Variants in IGSF21 observed in about 807,000 individuals in gnomAD.
IGSF21 encodes immunoglobulin superfamily member 21.
A neutral mutation model predicts 46.8 loss-of-function variants in IGSF21; 28 were observed. The ratio of observed to expected loss-of-function variants is 0.60; its 90% CI spans 0.44 to 0.82. The LOEUF (loss-of-function observed/expected upper bound fraction) is 0.82, where lower values mean the gene tolerates loss of function less well. Ranked by LOEUF, IGSF21 falls within the 40% of genes least tolerant of loss-of-function variation. IGSF21 has a pLI of 0.00. For missense variants in IGSF21, 624 were observed against 665.5 expected, an observed-to-expected ratio of 0.94 and a Z score of 0.69; for synonymous variants, 284 against 273.6, an observed-to-expected ratio of 1.04 and a Z score of -0.38.
intron 4 of IGSF21, among the ~76,000 whole-genome samples, chr1:18,353,777 A>T (rs1167198186): frequency 3.3e-5 from 5 of 152,214 alleles, no homozygotes; most frequent in African/African-American, 9.6e-5. Context: ...TCAAAGAGAA[A>T]AATGTCTCAG....
intron 3 of IGSF21, among the ~76,000 whole-genome samples, chr1:18,317,603 C>T (rs1042998022): frequency 6.6e-6 from 1 of 152,196 alleles, no homozygotes; most frequent in Non-Finnish European, 1.5e-5. Context: ...CTCTGGTGCA[C>T]CCAATGGCTC....
intron 1 of IGSF21, among the ~76,000 whole-genome samples, chr1:18,179,552 C>T (rs71643495): frequency 0.057 from 8,701 of 152,046 alleles, 268 homozygotes; most frequent in African/African-American, 0.073. Flanking sequence ...TCATTTTTTT[C>T]CCTGATTTTA....
At position 18,376,880 on chromosome 1, in the gene IGSF21, G is replaced by T; in HGVS notation, c.1182G>T (p.Gly394=). Residue 394 remains glycine (G), a synonymous_variant, in exon 8 of 10, where the codon GGG becomes GGT. Coordinates refer to ENST00000251296, the MANE Select transcript of IGSF21 (RefSeq NM_032880.5). ...RLLDGSAEFD[G]KELVLERVPA... is the part of the protein sequence containing the mutation. ...TGGACGGCAGCGCTGAGTTCGACGG[G>T]AAGGAGCTGGTGCTGGAGCGGGTTC... 1 of 1,613,034 alleles carries T rather than the reference G, an allele frequency of 6.2e-7. No homozygotes were observed. Among genetic ancestry groups the T allele is most frequent in the Non-Finnish European group, 8.5e-7 (1 of 1,179,088 alleles).
At chr1:18,351,636 GCC>G (rs2085956534) in intron 4 of IGSF21, among the ~76,000 whole-genome samples, 1 of 152,178 alleles carries the variant, frequency 6.6e-6, no homozygotes, top group South Asian at 2.1e-4. Context: ...CTCCCTACCT[GCC>G]TCCCCAAGCT....
intron 1 of IGSF21, among the ~76,000 whole-genome samples, chr1:18,141,780 A>C (rs879332585): frequency 6.6e-6 from 1 of 152,188 alleles, no homozygotes; most frequent in Admixed American, 6.5e-5. Flanking sequence ...TTTAAAGCAC[A>C]GTTCATGGCT....
chr1:18,334,988 C>A lies in IGSF21; in HGVS notation c.402C>A (p.Gly134=), dbSNP rs35793095. Residue 134 remains glycine (G), a synonymous_variant, in exon 4 of 10, where the codon GGC becomes GGA. Transcript: ENST00000251296. The surrounding 1 kb of genome is among the most constrained non-coding windows in gnomAD (Gnocchi z 4.3). ...GGGAGAAGGTGGTCCTGGCATCAGG[C>A]AACATCTTCCTCAACGTCATGGGTG... ...ATREKVVLAS[G]NIFLNVMAPP... 5.6e-3 allele frequency: 9,044 copies of A among 1,613,776 alleles called. 34 individuals are homozygous for A. Among genetic ancestry groups the A allele is most frequent in the Non-Finnish European group, 6.8e-3 (8,055 of 1,179,628 alleles).
chr1:18,307,726 G>C, intron 3 of IGSF21, among the ~76,000 whole-genome samples: 1 of 152,236 alleles, frequency 6.6e-6, no homozygotes, highest in South Asian at 2.1e-4. Flanking sequence ...GGAGCTATCA[G>C]TGGTGACACT....
In IGSF21 at chr1:18,225,085, T is replaced by TCTCTCTCTCTCTCACA; in HGVS notation, c.71-2812_71-2811insTCTCTCTCTCTCACAC. 9.9e-4 allele frequency among the ~76,000 whole-genome samples: 51 copies of TCTCTCTCTCTCTCACA among 51,604 alleles called. 1 individual carries two copies. Among genetic ancestry groups the TCTCTCTCTCTCTCACA allele is most frequent in the East Asian group, 2.7e-3 (5 of 1,826 alleles). 33.9% of individuals were successfully genotyped at this position (51,604 alleles called of 152,430 possible). Reference sequence around the variant, plus strand: ...GTATCTCTCTCTCTCTCTCTCTCTCTCACACACACACACACACACACACAC... The same window carrying TCTCTCTCTCTCTCACA: ...GTATCTCTCTCTCTCTCTCTCTCTCTCTCTCTCTCTCTCACACACACACACACACACACACACACAC... On this transcript the variant is annotated intron_variant, in intron 1 of 9. Coordinates refer to ENST00000251296, the MANE Select transcript of IGSF21 (RefSeq NM_032880.5).
intron 3 of IGSF21, among the ~76,000 whole-genome samples, chr1:18,304,051 G>A (rs958365453): frequency 3.3e-5 from 5 of 152,160 alleles, no homozygotes; most frequent in African/African-American, 7.2e-5. Flanking sequence ...GGCGGAGGTG[G>A]AGAGAAGAAA....
At chr1:18,249,047 T>C (rs970456953) in intron 2 of IGSF21, among the ~76,000 whole-genome samples, 3 of 152,068 alleles carry the variant, frequency 2.0e-5, no homozygotes, top group Admixed American at 6.5e-5. Flanking sequence ...CCGCCCAAAT[T>C]AAACTGGATC....
intron 3 of IGSF21, among the ~76,000 whole-genome samples, chr1:18,314,476 A>C (rs943770446): frequency 2.6e-5 from 4 of 152,308 alleles, no homozygotes; most frequent in African/African-American, 9.6e-5. Flanking sequence ...GTGCTACTTT[A>C]ATTGAGTGGG....
At chr1:18,257,633 TG>T (rs2084904449) in intron 2 of IGSF21, among the ~76,000 whole-genome samples, 1 of 152,156 alleles carries the variant, frequency 6.6e-6, no homozygotes, top group Non-Finnish European at 1.5e-5. Context: ...GTACCCACTG[TG>T]TGGCAAAGGC....
At position 18,122,944 on chromosome 1, in the gene IGSF21, A is replaced by C. The variant is rs952297859; in HGVS notation, c.70+14746A>C. Reference sequence around the variant, plus strand: ...ACCCAGCCAGATTTTTTATTAATTCATATTAAGATAAATATGTGAGTATTT... The same window carrying C: ...ACCCAGCCAGATTTTTTATTAATTCCTATTAAGATAAATATGTGAGTATTT... On this transcript the variant is annotated intron_variant, in intron 1 of 9. Transcript: ENST00000251296. Among the ~76,000 whole-genome samples, 5 of 152,250 alleles carry C rather than the reference A, an allele frequency of 3.3e-5. No homozygotes were observed. The South Asian group carries it at 8.3e-4, about 25-fold the overall frequency.
chr1:18,322,288 T>C lies in IGSF21; in HGVS notation c.306-12604T>C, dbSNP rs2085610640. On this transcript the variant is annotated intron_variant, in intron 3 of 9. Coordinates refer to ENST00000251296, the MANE Select transcript of IGSF21 (RefSeq NM_032880.5). The surrounding 1 kb of genome is among the most constrained non-coding windows in gnomAD (Gnocchi z 4.3). ...CACAGTAGGGGCACAGCCATGTTCA[T>C]TGAAAAAAGATCATAGAAACAACAG... Among the ~76,000 whole-genome samples the C allele has an allele frequency of 1.3e-5, 2 of 151,256 alleles. No individual in the cohort carries two copies. The highest frequency in any genetic ancestry group is 4.9e-5 in the African/African-American group (2 of 40,786).
At chr1:18,277,659 CAT>C (rs1292781450) in intron 2 of IGSF21, among the ~76,000 whole-genome samples, 11 of 152,318 alleles carry the variant, frequency 7.2e-5, no homozygotes, top group African/African-American at 9.6e-5. Flanking sequence ...GCTTAACAAA[CAT>C]AGCGTCTCCT....
intron 1 of IGSF21, among the ~76,000 whole-genome samples, chr1:18,209,416 C>G (rs1020693867): frequency 2.6e-5 from 4 of 152,028 alleles, no homozygotes; most frequent in African/African-American, 9.7e-5. Context: ...AGGGCCTACC[C>G]AATACCTGCA....
At chr1:18,129,573 G>C (rs1004425456) in intron 1 of IGSF21, among the ~76,000 whole-genome samples, 7 of 152,174 alleles carry the variant, frequency 4.6e-5, no homozygotes, top group African/African-American at 1.4e-4. Flanking sequence ...GCTGAGAAGG[G>C]GTCAGTGGGT....
chr1:18,376,797 C>A lies in IGSF21; in HGVS notation c.1102-3C>A. The A allele has an allele frequency of 6.3e-7, 1 of 1,581,220 alleles. No individual in the cohort carries two copies. The highest frequency in any genetic ancestry group is 1.3e-5 in the African/African-American group (1 of 74,600). ...CCCACCTCTCCCCTGATCTGGCCAA[C>A]AGAACGAAGTCTTCCCGGAGCCCAT... On this transcript the variant is annotated splice_region_variant and splice_polypyrimidine_tract_variant and intron_variant, in intron 7 of 9. Transcript: ENST00000251296.
rs532591576 is a variant in IGSF21 at position 18,328,371 on chromosome 1, T to C, written c.306-6521T>C. On this transcript the variant is annotated intron_variant, in intron 3 of 9. Transcript: ENST00000251296. ...TGAGTATCTCATGGAATGTATTAAA[T>C]ACCATACTGAAATTGAACCATGGAA... Among the ~76,000 whole-genome samples the C allele has an allele frequency of 2.0e-4, 31 of 152,312 alleles. No individual in the cohort carries two copies. In the South Asian group the frequency reaches 5.2e-3, roughly 25 times the overall value.
Sources: gnomAD v4.1 joint callset for allele counts (sites outside exome capture counted in the v4.1 genomes callset) on GRCh38, gnomAD v4.1.1 for gene constraint, Gnocchi (gnomAD v3.1) non-coding constraint, MANE v1.5 for transcripts, NCBI Gene and HGNC (gene_info 2026-07-23, HGNC 2026-07-21) for gene names.